Variants in PIEZO1 observed in about 807,000 individuals in gnomAD.
PIEZO1 encodes the protein piezo-type mechanosensitive ion channel component 1.
In PIEZO1, 296 loss-of-function variants were observed where a neutral mutation model predicts 297.2. That is an observed-to-expected ratio of 1.00 (90% CI 0.91 to 1.10). The LOEUF is 1.10. Among genes scored for constraint, PIEZO1 ranks in the 50% least tolerant of loss-of-function variants. The probability of loss-of-function intolerance (pLI) is 0.00; values close to 1 mark genes in which losing one functional copy is unlikely to be tolerated. For synonymous variants in PIEZO1, 2,427 were observed against 1,507.5 expected (o/e 1.61, Z -14.13); for missense variants, 5,018 against 3,455.5 (o/e 1.45, Z -11.34).
At chr16:88,736,534 C>T (rs915897760) in intron 11 of PIEZO1, 105 bp downstream of exon 11, 43 of 601,254 alleles carry the variant, frequency 7.2e-5, no homozygotes, top group Non-Finnish European at 9.9e-5. Context: ...CCCACACCTG[C>T]GCGGCAGAGG....
rs1033980120 is a variant in PIEZO1, at chr16:88,738,207, G to C, written c.848+20C>G. On this transcript the variant is annotated intron_variant, in intron 7 of 50. Coordinates refer to ENST00000301015, the MANE Select transcript of PIEZO1 (RefSeq NM_001142864.4). ...GGGACCAGGGTGGCAGGAAAAAGGG[G>C]CTGTGTGGCAAGCCGTTACCTAGCC... The C allele has an allele frequency of 1.3e-6, 2 of 1,534,418 alleles. No individual in the cohort carries two copies. The highest frequency in any genetic ancestry group is 1.7e-6 in the Non-Finnish European group (2 of 1,145,612).
rs374206632 is a variant in PIEZO1 at position 88,756,570 on chromosome 16, C to G, written c.65-7091G>C. 4.6e-5 allele frequency among the ~76,000 whole-genome samples: 7 copies of G among 151,560 alleles called. No individual in the cohort carries two copies. The East Asian group carries it at 7.9e-4, about 17-fold the overall frequency. ...CCATCTCATGGTCAGGAGTTCGAAA[C>G]CAGCCTGGCCAACATGGTGAAACCC... On this transcript the variant is annotated intron_variant, in intron 1 of 50. Transcript: ENST00000301015.
At chr16:88,760,903 C>T (rs1906904535) in intron 1 of PIEZO1, among the ~76,000 whole-genome samples, 1 of 152,208 alleles carries the variant, frequency 6.6e-6, no homozygotes, top group Admixed American at 6.5e-5. Flanking sequence ...CCAGGAAACT[C>T]AGTTTTATGG....
chr16:88,719,102 G>T (rs1205566889), intron 44 of PIEZO1: 1 of 164,480 alleles, frequency 6.1e-6, no homozygotes, highest in Non-Finnish European at 1.3e-5. Context: ...TCCCTCCTGG[G>T]TCTCTTACAG....
chr16:88,743,391 A>G, intron 2 of PIEZO1: 2 of 446,586 alleles, frequency 4.5e-6, no homozygotes, highest in Non-Finnish European at 9.1e-6. Context: ...CCGGGCCCTC[A>G]CCCTGGGGCA....
chr16:88,724,859 G>A, intron 30 of PIEZO1, 150 bp downstream of exon 30: 1 of 542,876 alleles, frequency 1.8e-6, no homozygotes, highest in Non-Finnish European at 3.2e-6. Context: ...AGCCAGTGAG[G>A]CACCCCCCGA....
intron 23 of PIEZO1, 141 bp from the exon 24 acceptor site, chr16:88,727,333 G>T: frequency 1.0e-6 from 1 of 1,003,166 alleles, no homozygotes; most frequent in Non-Finnish European, 1.4e-6. Context: ...TGAGTGGCCG[G>T]GTGTCCCTGG....
chr16:88,784,380 G>T (rs1908077884), intron 1 of PIEZO1, among the ~76,000 whole-genome samples: 1 of 152,256 alleles, frequency 6.6e-6, no homozygotes, highest in African/African-American at 2.4e-5. Context: ...AGCGGGGCTG[G>T]GCCCTGGGCA....
At position 88,722,876 on chromosome 16, in the gene PIEZO1, C is replaced by G; in HGVS notation, c.4629G>C (p.Leu1543=). 1 of 1,548,594 alleles carries G rather than the reference C, an allele frequency of 6.5e-7. No homozygotes were observed. The highest frequency in any genetic ancestry group is 8.7e-7 in the Non-Finnish European group (1 of 1,146,814). The change falls in exon 34 of 51, where the codon CTG becomes CTC. Residue 1543 remains leucine (L), a synonymous_variant. Coordinates refer to ENST00000301015, the MANE Select transcript of PIEZO1 (RefSeq NM_001142864.4). ...GTGTGAGGAGGTAGCGCTCTGCCCGCAGCACGTCGCTCATGGTGCCGTGGT... is the reference window on the plus strand; with the variant it reads ...GTGTGAGGAGGTAGCGCTCTGCCCGGAGCACGTCGCTCATGGTGCCGTGGT... ...TRHHGTMSDV[L]RAERYLLTQE... is the part of the protein sequence containing the mutation.
intron 1 of PIEZO1, among the ~76,000 whole-genome samples, chr16:88,761,228 C>A (rs1384194962): frequency 6.6e-6 from 1 of 152,252 alleles, no homozygotes; most frequent in African/African-American, 2.4e-5. Context: ...AGGCATCAGC[C>A]CCTGGGATTC....
Position 88,766,030 on chromosome 16 carries a change from C to T in PIEZO1, c.65-16551G>A, listed in dbSNP as rs139559890. Among the ~76,000 whole-genome samples, 80 of 152,310 alleles carry T rather than the reference C, an allele frequency of 5.3e-4. 1 individual carries two copies. In the East Asian group the frequency reaches 9.1e-3, roughly 17 times the overall value. On this transcript the variant is annotated intron_variant, in intron 1 of 50. Transcript: ENST00000301015. ...GGAGGAGGTGCGACCAGAGACATCA[C>T]ATGCGAGTCAGCGCACGGCTGTGTT...
At chr16:88,742,599 C>T (rs775907294) in intron 2 of PIEZO1, among the ~76,000 whole-genome samples, 177 bp from the exon 3 acceptor site, 1 of 152,196 alleles carries the variant, frequency 6.6e-6, no homozygotes, top group Non-Finnish European at 1.5e-5. Flanking sequence ...CCACGCCTCC[C>T]GAGGGTCACT....
chr16:88,751,435 C>T (rs1906382719), intron 1 of PIEZO1, among the ~76,000 whole-genome samples: 1 of 152,206 alleles, frequency 6.6e-6, no homozygotes, highest in Non-Finnish European at 1.5e-5. Flanking sequence ...GAAGCAGACA[C>T]GAAAGAATCG....
chr16:88,766,175 G>C (rs1270266193), intron 1 of PIEZO1, among the ~76,000 whole-genome samples: 1 of 152,216 alleles, frequency 6.6e-6, no homozygotes, highest in African/African-American at 2.4e-5. Context: ...GCAATTTGGT[G>C]TGCAGGTGTT....
chr16:88,779,453 G>A (rs1248277780), intron 1 of PIEZO1, among the ~76,000 whole-genome samples: 1 of 152,184 alleles, frequency 6.6e-6, no homozygotes, highest in Non-Finnish European at 1.5e-5. Context: ...CAATGACCGT[G>A]CGGGGCCCCC....
chr16:88,774,255 G>A (rs1020804453), intron 1 of PIEZO1, among the ~76,000 whole-genome samples: 9 of 152,204 alleles, frequency 5.9e-5, no homozygotes, highest in Admixed American at 3.9e-4. Context: ...GTCCAGCCTG[G>A]TGATACATGC....
At chr16:88,761,788 C>T (rs1035639895) in intron 1 of PIEZO1, among the ~76,000 whole-genome samples, 2 of 151,984 alleles carry the variant, frequency 1.3e-5, no homozygotes, top group Non-Finnish European at 2.9e-5. Context: ...CTGTCCTTCC[C>T]CACAGACGAC....
rs945946834 is a variant in PIEZO1 at position 88,736,168 on chromosome 16, A to G, written c.1537T>C (p.Cys513Arg). ...CTCACCATGGCACCAAGGTCCAGAC[A>G]GGGGTAGCGGGTGTGCTCCAGCCCC... Reference protein sequence around the residue: ...QLGLEHTRYPCLDLGAMLLYT... With the variant: ...QLGLEHTRYPRLDLGAMLLYT... The change falls in exon 12 of 51, where the codon TGT (cysteine) becomes CGT (arginine). Residue 513 changes from cysteine (C) to arginine (R), a missense_variant. Coordinates refer to ENST00000301015, the MANE Select transcript of PIEZO1 (RefSeq NM_001142864.4). 3.2e-6 allele frequency: 5 copies of G among 1,547,422 alleles called. No individual in the cohort carries two copies. In the African/African-American group the frequency reaches 4.1e-5, roughly 13 times the overall value.
intron 5 of PIEZO1, chr16:88,740,101 C>T (rs2087337987): frequency 6.6e-6 from 1 of 152,240 alleles, no homozygotes; most frequent in African/African-American, 2.4e-5. Flanking sequence ...GCAGACGCCC[C>T]TCACCCTCCT....
Sources: allele counts gnomAD v4.1 joint callset (sites outside exome capture counted in the v4.1 genomes callset), GRCh38; gene constraint gnomAD v4.1.1; transcripts MANE v1.5; gene names NCBI Gene and HGNC (gene_info 2026-07-23, HGNC 2026-07-21).